Variants in FAM114A2 observed in about 807,000 individuals in gnomAD.
FAM114A2 encodes protein FAM114A2.
A neutral mutation model predicts 58.4 loss-of-function variants in FAM114A2; 53 were observed. The ratio of observed to expected loss-of-function variants is 0.91; its 90% CI spans 0.73 to 1.14. FAM114A2 has a LOEUF of 1.14. Ranked by LOEUF, FAM114A2 falls within the 50% of genes most tolerant of loss-of-function variation. The pLI, the probability that FAM114A2 is intolerant of heterozygous loss-of-function variation, is 0.00. For missense variants in FAM114A2, 601 were observed against 581.1 expected, an observed-to-expected ratio of 1.03 and a Z score of -0.35; for synonymous variants, 228 against 211.4, an observed-to-expected ratio of 1.08 and a Z score of -0.68.
At chr5:154,028,104 G>T in intron 6 of FAM114A2, 45 bp downstream of exon 6, 1 of 1,530,192 alleles carries the variant, frequency 6.5e-7, no homozygotes, top group Non-Finnish European at 8.9e-7. Flanking sequence ...CAAAAATACA[G>T]ATCAAAACAG....
chr5:154,004,830 C>A (rs1284497132), intron 9 of FAM114A2, among the ~76,000 whole-genome samples: 1 of 152,168 alleles, frequency 6.6e-6, no homozygotes, highest in African/African-American at 2.4e-5. Context: ...CAAAATGCTA[C>A]CAGTGATCTG....
intron 6 of FAM114A2, among the ~76,000 whole-genome samples, 189 bp downstream of exon 6, chr5:154,027,960 G>A (rs1771907373): frequency 6.6e-6 from 1 of 152,128 alleles, no homozygotes; most frequent in Non-Finnish European, 1.5e-5. Context: ...GAAAGAGGAG[G>A]AGAAAAAGAG....
At chr5:154,029,313 A>G (rs1279559033) in intron 5 of FAM114A2, among the ~76,000 whole-genome samples, 176 bp downstream of exon 5, 1 of 152,198 alleles carries the variant, frequency 6.6e-6, no homozygotes, top group Non-Finnish European at 1.5e-5. Flanking sequence ...TGCTTTAATG[A>G]AAGTTTTCAA....
Position 154,029,469 on chromosome 5 carries a change from C to T in FAM114A2, c.495+20G>A, listed in dbSNP as rs561088539. The T allele has an allele frequency of 1.5e-6, 2 of 1,352,576 alleles. No individual in the cohort carries two copies. Among genetic ancestry groups the T allele is most frequent in the South Asian group, 1.2e-5 (1 of 85,452 alleles). 83.8% of individuals were successfully genotyped at this position (1,352,576 alleles called of 1,614,324 possible). ...TATAATAATGGAAAGGAACAGACCA[C>T]CTTGCACTTTTTTACTTACTGTGCT... is the stretch of plus-strand genomic sequence containing the variant. On this transcript the variant is annotated intron_variant, in intron 5 of 13. Transcript: ENST00000351797.
At chr5:153,999,824 C>G (rs765407014) in intron 11 of FAM114A2, among the ~76,000 whole-genome samples, 8 of 152,024 alleles carry the variant, frequency 5.3e-5, no homozygotes, top group Non-Finnish European at 8.8e-5. Context: ...CAAAGGGATA[C>G]CTGCACCTGC....
At chr5:154,014,391 A>C (rs562248030) in intron 8 of FAM114A2, among the ~76,000 whole-genome samples, 2 of 152,326 alleles carry the variant, frequency 1.3e-5, no homozygotes, top group South Asian at 2.1e-4. Context: ...CTACAGGAAT[A>C]TATCAGGAAG....
intron 5 of FAM114A2, among the ~76,000 whole-genome samples, chr5:154,028,563 C>A (rs1771962479): frequency 6.6e-6 from 1 of 152,136 alleles, no homozygotes; most frequent in Non-Finnish European, 1.5e-5. Context: ...AGAAGACATG[C>A]ACAAAAATGT....
At chr5:154,005,507 T>C (rs1008590683) in intron 9 of FAM114A2, among the ~76,000 whole-genome samples, 2 of 152,110 alleles carry the variant, frequency 1.3e-5, no homozygotes, top group African/African-American at 2.4e-5. Context: ...AAGCTGCCAA[T>C]GGTCATTTTA....
chr5:154,001,973 C>T (rs941323443), intron 11 of FAM114A2, among the ~76,000 whole-genome samples: 4 of 152,142 alleles, frequency 2.6e-5, no homozygotes, highest in Non-Finnish European at 5.9e-5. Flanking sequence ...TAGAACTCTT[C>T]TCTGTTTTCA....
At position 154,034,258 on chromosome 5, in the gene FAM114A2, TA is replaced by T; in HGVS notation, c.310+19del. The stretch of plus-strand genomic sequence containing the variant: ...AAATAAATACACACACAAAAATAAC[TA>T]AATGACTGATGATCTTACCTACTGT... On this transcript the variant is annotated intron_variant, in intron 3 of 13. Transcript: ENST00000351797. The T allele has an allele frequency of 7.0e-7, 1 of 1,425,708 alleles. No individual in the cohort carries two copies. The highest frequency in any genetic ancestry group is 9.6e-7 in the Non-Finnish European group (1 of 1,038,214). The allele number at this position is 1,425,708 out of a possible 1,614,324, so 88.3% of individuals were successfully genotyped here. A position where few individuals can be genotyped will look rare whatever the true frequency, so the allele number is the denominator to read the frequency against.
chr5:154,035,053 T>C, intron 1 of FAM114A2, 86 bp from the exon 2 acceptor site: 3 of 736,192 alleles, frequency 4.1e-6, no homozygotes, highest in South Asian at 3.7e-5. Flanking sequence ...GAGATTATCA[T>C]AGATTCACAT....
At chr5:154,030,447 A>G (rs959164532) in intron 4 of FAM114A2, among the ~76,000 whole-genome samples, 1 of 152,198 alleles carries the variant, frequency 6.6e-6, no homozygotes, top group East Asian at 1.9e-4. Flanking sequence ...TGGACAATAT[A>G]TAAGAAGCAA....
At chr5:154,007,451 T>G (rs1770428742) in intron 9 of FAM114A2, among the ~76,000 whole-genome samples, 1 of 152,160 alleles carries the variant, frequency 6.6e-6, no homozygotes, top group Non-Finnish European at 1.5e-5. Context: ...CAGTGCTCTT[T>G]CCCCTACATC....
In FAM114A2 at chr5:154,027,264, T is replaced by G. The variant is rs771597227; in HGVS notation, c.701A>C (p.Lys234Thr). Residue 234 changes from lysine to threonine, a missense_variant, in exon 7 of 14, where the codon AAA becomes ACA. Coordinates refer to ENST00000351797, the MANE Select transcript of FAM114A2 (RefSeq NM_018691.4). The part of the protein sequence containing the change: ...SNEVTVETDK[K>T]THYGLLFDEF... ...ATCAAAGAGTAGCCCATAATGAGTT[T>G]TCTTGTCTGTTTCCACGGTAACCTC... 6 of 1,613,594 alleles carry G rather than the reference T, an allele frequency of 3.7e-6. No individual in the cohort carries two copies.
chr5:154,025,118 A>T (rs1279086911), intron 8 of FAM114A2, among the ~76,000 whole-genome samples: 1 of 152,222 alleles, frequency 6.6e-6, no homozygotes, highest in Non-Finnish European at 1.5e-5. Flanking sequence ...CCACGAAAAA[A>T]GCACATAGTT....
chr5:154,021,032 C>T (rs890100959), intron 8 of FAM114A2, among the ~76,000 whole-genome samples: 1 of 152,104 alleles, frequency 6.6e-6, no homozygotes, highest in South Asian at 2.1e-4. Flanking sequence ...GTAAACAGAA[C>T]CAACGACAAA....
In FAM114A2 at chr5:153,991,692, A is replaced by ATTTTTTTTTTTTTTTTTTTT. The variant is rs58561538; in HGVS notation, c.*1283_*1284insAAAAAAAAAAAAAAAAAAAA. 2.3e-5 allele frequency: 3 copies of ATTTTTTTTTTTTTTTTTTTT among 129,134 alleles called. No individual in the cohort carries two copies. Among genetic ancestry groups the ATTTTTTTTTTTTTTTTTTTT allele is most frequent in the Non-Finnish European group, 5.0e-5 (3 of 60,066 alleles). 8.0% of individuals were successfully genotyped at this position (129,134 alleles called of 1,614,324 possible). ...ATCTATGTTATGGCTTTGCTTTGCT[A>ATTTTTTTTTTTTTTTTTTTT]TTTTTTTTTTTTTTTTTTGGTCTAA... On this transcript the variant is annotated 3_prime_UTR_variant, in exon 14 of 14. Transcript: ENST00000351797.
intron 9 of FAM114A2, among the ~76,000 whole-genome samples, chr5:154,008,462 T>C (rs867149010): frequency 7.9e-5 from 12 of 152,166 alleles, no homozygotes; most frequent in African/African-American, 2.9e-4. Context: ...ATTTTTTGAG[T>C]GCCAACATGA....
rs750485494 is a variant in FAM114A2, at chr5:153,994,972, C to A, written c.1330G>T (p.Val444Phe). The change falls in exon 13 of 14, where the codon GTC (valine) becomes TTC (phenylalanine). Residue 444 changes from valine (V) to phenylalanine (F), a missense_variant and splice_region_variant. By Grantham distance (50) the Val-to-Phe change is conservative (BLOSUM62 -1). Coordinates refer to ENST00000351797, the MANE Select transcript of FAM114A2 (RefSeq NM_018691.4). ...EFTTCLTTAG[V>F]KEMADVLNPL... ...TTAAGGACATCTGCCATTTCTTTGA[C>A]CTGGAATAACGAATACATTTTTAAG... 6.2e-7 allele frequency: 1 copy of A among 1,604,270 alleles called. No individual in the cohort carries two copies.
Sources: allele counts gnomAD v4.1 joint callset (sites outside exome capture counted in the v4.1 genomes callset), GRCh38; gene constraint gnomAD v4.1.1; transcripts MANE v1.5; gene names NCBI Gene and HGNC (gene_info 2026-07-23, HGNC 2026-07-21).